AKT3: variants seen among roughly 807,000 people sequenced by gnomAD.
AKT3 encodes RAC-gamma serine/threonine-protein kinase.
AKT3 carries 15 observed loss-of-function variants against 65.3 expected under a neutral mutation model. The observed-to-expected ratio is 0.23, with a 90% CI of 0.15 to 0.35. AKT3 has a LOEUF of 0.35. Among genes scored for constraint, AKT3 ranks in the 10% least tolerant of loss-of-function variants. The probability of loss-of-function intolerance (pLI) is 1.00; values close to 1 mark genes in which losing one functional copy is unlikely to be tolerated. For synonymous variants in AKT3, 206 were observed against 183.8 expected (o/e 1.12, Z -0.98); for missense variants, 243 against 576.5 (o/e 0.42, Z 5.92).
At chr1:243,769,415 C>A (rs949562411) in intron 2 of AKT3, among the ~76,000 whole-genome samples, 3 of 152,186 alleles carry the variant, frequency 2.0e-5, no homozygotes, top group Non-Finnish European at 2.9e-5. Flanking sequence ...ATTTTACAAA[C>A]CTACCAGCAG....
chr1:243,547,941 A>C (rs1672789500), intron 11 of AKT3: 2 of 152,162 alleles, frequency 1.3e-5, no homozygotes, highest in South Asian at 4.1e-4. Context: ...TTGCATTTGG[A>C]ATTTTCAGAC....
At chr1:243,844,078 ATAAAG>A (rs1379301879) in intron 1 of AKT3, among the ~76,000 whole-genome samples, 4 of 152,252 alleles carry the variant, frequency 2.6e-5, no homozygotes, top group African/African-American at 4.8e-5. Flanking sequence ...TGTACTTATT[ATAAAG>A]TAAAGTGAAA....
chr1:243,831,712 C>T (rs1008766349), intron 2 of AKT3, among the ~76,000 whole-genome samples: 1 of 152,128 alleles, frequency 6.6e-6, no homozygotes, highest in Non-Finnish European at 1.5e-5. Flanking sequence ...AATAATATTA[C>T]TCACACAGTG....
intron 11 of AKT3, among the ~76,000 whole-genome samples, chr1:243,546,183 T>C (rs990940161): frequency 3.9e-5 from 6 of 152,200 alleles, no homozygotes; most frequent in African/African-American, 7.2e-5. Flanking sequence ...CCCTGTAAGA[T>C]GTGCCTCTGC....
chr1:243,804,855 A>C (rs544645262), intron 2 of AKT3, among the ~76,000 whole-genome samples: 6 of 152,152 alleles, frequency 3.9e-5, no homozygotes, highest in East Asian at 1.9e-4. Flanking sequence ...TCAAAAAAAA[A>C]AAACAAACAA....
intron 2 of AKT3, among the ~76,000 whole-genome samples, chr1:243,715,461 C>A (rs753951403): frequency 6.6e-6 from 1 of 151,952 alleles, no homozygotes; most frequent in African/African-American, 2.4e-5. Context: ...ACTTTGGTTT[C>A]GACATAGACA....
At chr1:243,658,095 G>A (rs890184348) in intron 4 of AKT3, among the ~76,000 whole-genome samples, 6 of 152,054 alleles carry the variant, frequency 3.9e-5, no homozygotes, top group African/African-American at 1.2e-4. Context: ...GACAAAAGCA[G>A]TAATAGATGA....
rs954959762 is a variant in AKT3, at chr1:243,501,776, T to G, written c.*3473A>C. 1.3e-5 allele frequency: 3 copies of G among 232,800 alleles called. No individual in the cohort carries two copies. The highest frequency in any genetic ancestry group is 4.4e-5 in the African/African-American group (2 of 45,342). The allele number at this position is 232,800 out of a possible 1,614,324, so 14.4% of individuals were successfully genotyped here. On this transcript the variant is annotated 3_prime_UTR_variant, in exon 14 of 14. Coordinates refer to ENST00000673466, the MANE Select transcript of AKT3 (RefSeq NM_005465.7). The stretch of plus-strand genomic sequence containing the variant: ...TAAACAGAGAAGTAGCAGATTGACA[T>G]AGTGCTTTATTTAAGCTGTCTGTAC...
chr1:243,842,799 T>C (rs1369763271), intron 2 of AKT3, among the ~76,000 whole-genome samples: 1 of 152,210 alleles, frequency 6.6e-6, no homozygotes, highest in South Asian at 2.1e-4. Context: ...CTTTTACATA[T>C]ATTAAATGAT....
intron 4 of AKT3, among the ~76,000 whole-genome samples, chr1:243,656,247 A>C (rs1681781396): frequency 1.3e-5 from 2 of 152,164 alleles, no homozygotes; most frequent in Non-Finnish European, 2.9e-5. Context: ...ACCCCTATGA[A>C]ACAAGTACAT....
intron 2 of AKT3, among the ~76,000 whole-genome samples, chr1:243,841,147 C>T (rs781342903): frequency 6.6e-5 from 10 of 150,696 alleles, no homozygotes; most frequent in Non-Finnish European, 1.2e-4. Context: ...AACACATACA[C>T]ATTATTAGAA....
In AKT3 at chr1:243,573,001, T is replaced by C. The variant is rs1674676276; in HGVS notation, c.744A>G (p.Thr248=). The part of the protein sequence containing the change: ...SRERVFSEDR[T]RFYGAEIVSA... ...AGACAATTTCTGCACCATAGAAACG[T>C]GTGCGGTCCTCAGAGAACACCCGCT... The change falls in exon 9 of 14, where the codon ACA becomes ACG. Residue 248 remains threonine, a synonymous_variant. Coordinates refer to ENST00000673466, the MANE Select transcript of AKT3 (RefSeq NM_005465.7). The C allele has an allele frequency of 1.2e-6, 2 of 1,613,298 alleles. No individual in the cohort carries two copies. Among genetic ancestry groups the C allele is most frequent in the South Asian group, 2.2e-5 (2 of 91,056 alleles).
chr1:243,818,650 A>AT (rs1693675035), intron 2 of AKT3, among the ~76,000 whole-genome samples: 1 of 152,162 alleles, frequency 6.6e-6, no homozygotes, highest in African/African-American at 2.4e-5. Flanking sequence ...TAAGACTTAA[A>AT]TTTTTTAAAC....
chr1:243,759,731 A>G (rs889101192), intron 2 of AKT3, among the ~76,000 whole-genome samples: 9 of 152,204 alleles, frequency 5.9e-5, no homozygotes, highest in African/African-American at 2.2e-4. Flanking sequence ...TCACAAACCT[A>G]GGAAAGAAGA....
chr1:243,758,242 G>A (rs928508924), intron 2 of AKT3, among the ~76,000 whole-genome samples: 2 of 152,122 alleles, frequency 1.3e-5, no homozygotes, highest in African/African-American at 2.4e-5. Flanking sequence ...TATATAGTAC[G>A]AAAAATGCTA....
intron 2 of AKT3, among the ~76,000 whole-genome samples, chr1:243,795,449 G>GTTTTGTTTTTTTTTTTTTTTT (rs1691898953): frequency 2.1e-5 from 2 of 93,504 alleles, no homozygotes; most frequent in African/African-American, 9.8e-5. Context: ...TGATCTCCTT[G>GTTTTGTTTTTTTTTTTTTTTT]TTTTTTTTTT....
At chr1:243,709,748 T>TA (rs1321568540) in intron 2 of AKT3, among the ~76,000 whole-genome samples, 2 of 151,972 alleles carry the variant, frequency 1.3e-5, no homozygotes, top group Non-Finnish European at 2.9e-5. Flanking sequence ...TATATATACT[T>TA]ACGTTTAAAT....
intron 2 of AKT3, among the ~76,000 whole-genome samples, chr1:243,760,186 C>T (rs1019758638): frequency 6.6e-6 from 1 of 151,490 alleles, no homozygotes; most frequent in Middle Eastern, 3.2e-3. Context: ...GTGGTGTGGC[C>T]TTTGCCCACT....
chr1:243,825,351 C>T (rs1461388661), intron 2 of AKT3, among the ~76,000 whole-genome samples: 11 of 152,114 alleles, frequency 7.2e-5, no homozygotes, highest in African/African-American at 2.2e-4. Flanking sequence ...CCATGGCACA[C>T]GTTTACCTAT....
Sources: allele counts gnomAD v4.1 joint callset (sites outside exome capture counted in the v4.1 genomes callset), GRCh38; gene constraint gnomAD v4.1.1; transcripts MANE v1.5; gene names NCBI Gene and HGNC (gene_info 2026-07-23, HGNC 2026-07-21).